BACH1: variants seen among roughly 807,000 people sequenced by gnomAD.
BACH1 encodes BTB domain and CNC homolog 1.
Under a neutral mutation model 52.9 loss-of-function variants are expected in BACH1, and 35 were observed. The observed-to-expected ratio is 0.66, with a 90% CI of 0.51 to 0.88. The LOEUF (loss-of-function observed/expected upper bound fraction) is 0.88. Ranked by LOEUF, BACH1 falls within the 40% of genes least tolerant of loss-of-function variation. The pLI is 0.00. For synonymous variants in BACH1, 321 were observed against 319.6 expected, an observed-to-expected ratio of 1.00 and a Z score of -0.05; for missense variants, 808 against 872.6, an observed-to-expected ratio of 0.93 and a Z score of 0.93.
chr21:29,359,832 TA>T (rs1343718515), intron 2 of BACH1, among the ~76,000 whole-genome samples: 11 of 147,148 alleles, frequency 7.5e-5, no homozygotes, highest in Admixed American at 2.7e-4. Context: ...TATTAATTGA[TA>T]CCTTATCTTC....
At chr21:29,299,116 C>T (rs1000078718) in intron 1 of BACH1, among the ~76,000 whole-genome samples, 163 bp downstream of exon 1, 11 of 150,782 alleles carry the variant, frequency 7.3e-5, no homozygotes, top group Non-Finnish European at 1.2e-4. Context: ...CGTATCGGGG[C>T]CCGCGGGGGG....
intron 4 of BACH1, among the ~76,000 whole-genome samples, chr21:29,330,432 G>A (rs921345281): frequency 2.6e-5 from 4 of 151,928 alleles, no homozygotes; most frequent in African/African-American, 4.8e-5. Context: ...TGCCTGTCTC[G>A]GCCTCCCAAA....
intron 2 of BACH1, among the ~76,000 whole-genome samples, chr21:29,352,369 AGCCTGGTTTTGAT>A (rs1175861981): frequency 2.0e-5 from 3 of 152,100 alleles, no homozygotes; most frequent in Admixed American, 6.5e-5. Context: ...CTAGTTTTGA[AGCCTGGTTTTGAT>A]GCTTAGCCAC....
At chr21:29,299,961 T>C (rs1421914332) in intron 1 of BACH1, among the ~76,000 whole-genome samples, 1 of 152,152 alleles carries the variant, frequency 6.6e-6, no homozygotes, top group East Asian at 1.9e-4. Context: ...AGGGTCTGCA[T>C]TGAATGCAGT....
At chr21:29,304,444 T>A (rs1272761777) in intron 1 of BACH1, among the ~76,000 whole-genome samples, 1 of 152,174 alleles carries the variant, frequency 6.6e-6, no homozygotes, top group Non-Finnish European at 1.5e-5. Flanking sequence ...TCCCAGTTTC[T>A]TTCAGGTAAA....
chr21:29,329,253 A>G (rs1269820246), intron 3 of BACH1, among the ~76,000 whole-genome samples: 1 of 152,212 alleles, frequency 6.6e-6, no homozygotes, highest in Non-Finnish European at 1.5e-5. Flanking sequence ...GGCTGCAGTA[A>G]GCCATGATTG....
intron 3 of BACH1, among the ~76,000 whole-genome samples, chr21:29,327,689 T>TG (rs1207365301): frequency 1.3e-5 from 2 of 152,084 alleles, no homozygotes; most frequent in Admixed American, 1.3e-4. Flanking sequence ...GGTGTGGTGG[T>TG]GGGTGCCTGT....
At chr21:29,307,199 TC>T (rs72000009) in intron 1 of BACH1, among the ~76,000 whole-genome samples, 102 of 152,272 alleles carry the variant, frequency 6.7e-4, no homozygotes, top group African/African-American at 2.3e-3. Flanking sequence ...AGGAACATCT[TC>T]CCTTTTCTAC....
chr21:29,329,449 A>G, intron 3 of BACH1, 38 bp from the exon 4 acceptor site: 3 of 1,427,576 alleles, frequency 2.1e-6, no homozygotes, highest in South Asian at 1.5e-5. Context: ...TAATTATAAA[A>G]TACAGCAATA....
At chr21:29,322,428 T>G (rs2088859561) in intron 2 of BACH1, among the ~76,000 whole-genome samples, 1 of 152,222 alleles carries the variant, frequency 6.6e-6, no homozygotes, top group South Asian at 2.1e-4. Flanking sequence ...TTCTCTGGTC[T>G]GTTGTGGAGC....
downstream of BACH1, among the ~76,000 whole-genome samples, chr21:29,346,942 AGAGG>A (rs1352458176): frequency 1.3e-5 from 2 of 152,166 alleles, no homozygotes; most frequent in South Asian, 4.1e-4. Context: ...TGTCACAGTG[AGAGG>A]GAGAAGGAGG....
intron 1 of BACH1, among the ~76,000 whole-genome samples, chr21:29,306,609 G>C (rs1414422885): frequency 2.0e-5 from 3 of 152,130 alleles, no homozygotes; most frequent in African/African-American, 4.8e-5. Flanking sequence ...GTTGAGAGTA[G>C]ATACGTGAGC....
intron 4 of BACH1, among the ~76,000 whole-genome samples, chr21:29,333,214 G>C (rs149963452): frequency 5.8e-4 from 89 of 152,338 alleles, no homozygotes; most frequent in African/African-American, 2.1e-3. Flanking sequence ...GTTTAAGATA[G>C]TTATTATGGT....
downstream of BACH1, among the ~76,000 whole-genome samples, chr21:29,347,081 T>C (rs2089173645): frequency 1.3e-5 from 2 of 152,046 alleles, no homozygotes; most frequent in Non-Finnish European, 1.5e-5. Flanking sequence ...GTATAGGTAG[T>C]AGGTATTGAG....
At chr21:29,337,501 A>T (rs144396089) in intron 4 of BACH1, among the ~76,000 whole-genome samples, 351 of 152,316 alleles carry the variant, frequency 2.3e-3, no homozygotes, top group African/African-American at 8.1e-3. Context: ...TTAATCTCTC[A>T]TCATTTACAG....
chr21:29,340,891 A>C (rs981913141), intron 4 of BACH1, among the ~76,000 whole-genome samples: 4 of 152,090 alleles, frequency 2.6e-5, no homozygotes, highest in Non-Finnish European at 5.9e-5. Flanking sequence ...AACTTTGCAT[A>C]AGAGAAAATG....
intron 2 of BACH1, among the ~76,000 whole-genome samples, chr21:29,324,556 T>TGTG (rs2088887682): frequency 2.1e-5 from 3 of 145,326 alleles, no homozygotes; most frequent in Non-Finnish European, 3.0e-5. Context: ...TGGATGTACC[T>TGTG]TGTGTGTGTG....
downstream of BACH1, among the ~76,000 whole-genome samples, chr21:29,346,300 T>C (rs1033076943): frequency 6.6e-6 from 1 of 152,094 alleles, no homozygotes; most frequent in African/African-American, 2.4e-5. Flanking sequence ...ATTCCAGCAT[T>C]CAGGTGTTTT....
At chr21:29,329,016 G>A (rs1284539613) in intron 3 of BACH1, among the ~76,000 whole-genome samples, 1 of 152,104 alleles carries the variant, frequency 6.6e-6, no homozygotes, top group Non-Finnish European at 1.5e-5. Context: ...CGAATATGGC[G>A]GGGAGTACAG....
Sources: allele counts gnomAD v4.1 joint callset (sites outside exome capture counted in the v4.1 genomes callset), GRCh38; gene constraint gnomAD v4.1.1; transcripts MANE v1.5; gene names NCBI Gene and HGNC (gene_info 2026-07-23, HGNC 2026-07-21).